LRRC37A2: variants seen among roughly 807,000 people sequenced by gnomAD.
LRRC37A2 encodes leucine-rich repeat-containing protein 37A2.
Under a neutral mutation model 68.8 loss-of-function variants are expected in LRRC37A2, and 9 were observed. That is an observed-to-expected ratio of 0.13 (90% CI 0.08 to 0.23). The LOEUF is 0.23. Ranked by LOEUF, LRRC37A2 falls within the 10% of genes least tolerant of loss-of-function variation. The pLI is 1.00. For missense variants in LRRC37A2, 168 were observed against 950.4 expected (o/e 0.18, Z 10.82); for synonymous variants, 63 against 367.6 (o/e 0.17, Z 9.48).
At chr17:46,894,788 T>A in the LRRC37A2 span, among the ~76,000 whole-genome samples, 2 of 152,288 alleles carry the variant, frequency 1.3e-5, no homozygotes, top group East Asian at 3.9e-4. Context: ...CCACCCGCTC[T>A]GATAAAAGCG....
the LRRC37A2 span, among the ~76,000 whole-genome samples, chr17:46,774,150 G>A: frequency 3.9e-5 from 6 of 152,244 alleles, no homozygotes; most frequent in East Asian, 1.9e-4. Flanking sequence ...CGCAGAAGCC[G>A]CTTGTGGGGG....
the LRRC37A2 span, among the ~76,000 whole-genome samples, chr17:46,891,978 G>T: frequency 7.1e-6 from 1 of 141,632 alleles, no homozygotes; most frequent in South Asian, 2.2e-4. Context: ...GGAGTGCAGT[G>T]GTGTGATCTC....
At chr17:46,868,412 C>G in the LRRC37A2 span, among the ~76,000 whole-genome samples, 1 of 151,662 alleles carries the variant, frequency 6.6e-6, no homozygotes, top group African/African-American at 2.4e-5. Flanking sequence ...GCCAACATGG[C>G]GAAACCCCAT....
chr17:47,016,991 G>A, the LRRC37A2 span, among the ~76,000 whole-genome samples: 1 of 100,652 alleles, frequency 9.9e-6, no homozygotes, highest in African/African-American at 3.2e-5. Context: ...GGGACCACCA[G>A]GGTCTGAGGC....
chr17:46,888,608 G>A, the LRRC37A2 span, among the ~76,000 whole-genome samples: 1 of 152,222 alleles, frequency 6.6e-6, no homozygotes, highest in African/African-American at 2.4e-5. Context: ...CCCACTAAGG[G>A]GGGTTCTTGG....
At chr17:46,795,149 C>T in the LRRC37A2 span, among the ~76,000 whole-genome samples, 5 of 152,102 alleles carry the variant, frequency 3.3e-5, no homozygotes, top group African/African-American at 9.7e-5. Flanking sequence ...TTCCCACCCT[C>T]GGGTGCTGAG....
the LRRC37A2 span, chr17:46,940,398 A>G: frequency 1.2e-4 from 188 of 1,564,484 alleles, no homozygotes; most frequent in Non-Finnish European, 1.6e-4. Context: ...GGGGGGTTGC[A>G]GCATCTTTAG....
At chr17:46,913,741 C>T in the LRRC37A2 span, among the ~76,000 whole-genome samples, 1 of 152,146 alleles carries the variant, frequency 6.6e-6, no homozygotes, top group African/African-American at 2.4e-5. Context: ...AAGGCACCAA[C>T]TGTGTTTCAT....
chr17:46,610,027 T>TTCTTTCTC, the LRRC37A2 span, among the ~76,000 whole-genome samples: 185 of 109,374 alleles, frequency 1.7e-3, 1 homozygote, highest in East Asian at 0.012. Flanking sequence ...CTTTCTTTCT[T>TTCTTTCTC]TCTCTCTCTC....
chr17:46,987,567 C>T, the LRRC37A2 span, among the ~76,000 whole-genome samples: 3 of 152,086 alleles, frequency 2.0e-5, no homozygotes, highest in Non-Finnish European at 4.4e-5. Context: ...TCTAGGAGGC[C>T]GGTTTGGGGG....
At chr17:46,980,341 C>CCCTT in the LRRC37A2 span, among the ~76,000 whole-genome samples, 1 of 89,834 alleles carries the variant, frequency 1.1e-5, no homozygotes, top group Admixed American at 1.0e-4. Context: ...CTTTCCTTCT[C>CCCTT]TCCTTCCTTC....
the LRRC37A2 span, among the ~76,000 whole-genome samples, chr17:46,707,073 A>T: frequency 1.3e-5 from 2 of 151,588 alleles, no homozygotes; most frequent in Non-Finnish European, 2.9e-5. Flanking sequence ...CTGGTCTCGA[A>T]CTCCTGACCT....
the LRRC37A2 span, among the ~76,000 whole-genome samples, chr17:46,754,464 C>T: frequency 1.3e-5 from 2 of 152,076 alleles, no homozygotes; most frequent in Non-Finnish European, 2.9e-5. Context: ...GAAACAGACT[C>T]CTGCTCTGAA....
chr17:46,729,020 G>C, the LRRC37A2 span: 1 of 829,806 alleles, frequency 1.2e-6, no homozygotes, highest in African/African-American at 1.8e-5. Flanking sequence ...AAATAAGCAG[G>C]TTATCATAAA....
the LRRC37A2 span, among the ~76,000 whole-genome samples, chr17:46,979,972 G>A: frequency 1.3e-5 from 2 of 152,096 alleles, no homozygotes; most frequent in Non-Finnish European, 2.9e-5. Flanking sequence ...ATATGGGGAT[G>A]CACCGTTCCT....
the LRRC37A2 span, among the ~76,000 whole-genome samples, chr17:46,856,366 TTC>T: frequency 6.6e-6 from 1 of 152,170 alleles, no homozygotes; most frequent in Non-Finnish European, 1.5e-5. Flanking sequence ...GATGCTGGGG[TTC>T]TAAACATCAT....
At chr17:46,885,092 G>A in the LRRC37A2 span, 379 of 436,620 alleles carry the variant, frequency 8.7e-4, 2 homozygotes, top group African/African-American at 5.8e-3. Context: ...GGATTCAAGC[G>A]ATTCTCCCGT....
the LRRC37A2 span, among the ~76,000 whole-genome samples, chr17:47,003,827 T>G: frequency 6.6e-6 from 1 of 152,170 alleles, no homozygotes; most frequent in Non-Finnish European, 1.5e-5. Context: ...CCTATTAACT[T>G]GTCATTTACA....
the LRRC37A2 span, among the ~76,000 whole-genome samples, chr17:47,003,320 C>T: frequency 6.6e-6 from 1 of 150,896 alleles, no homozygotes; most frequent in African/African-American, 2.4e-5. Flanking sequence ...ATGATACAGT[C>T]GGGCACTTAT....
Sources: gnomAD v4.1 joint callset for allele counts (sites outside exome capture counted in the v4.1 genomes callset) on GRCh38, gnomAD v4.1.1 for gene constraint, MANE v1.5 for transcripts, NCBI Gene and HGNC (gene_info 2026-07-23, HGNC 2026-07-21) for gene names.